The following PTPRT variants were observed in gnomAD, a reference collection of about 807,000 sequenced individuals.
PTPRT encodes protein tyrosine phosphatase receptor type T.
PTPRT carries 56 observed loss-of-function variants against 176.8 expected under a neutral mutation model. That is an observed-to-expected ratio of 0.32 (90% CI 0.26 to 0.40). PTPRT has a LOEUF of 0.40. Among genes scored for constraint, PTPRT ranks in the 10% least tolerant of loss-of-function variants. The pLI, the probability that PTPRT is intolerant of heterozygous loss-of-function variation, is 1.00. For missense variants in PTPRT, 1,540 were observed against 1,908.2 expected (o/e 0.81, Z 3.60); for synonymous variants, 783 against 739.0 (o/e 1.06, Z -0.96).
At chr20:42,697,004 A>C (rs1307732426) in intron 6 of PTPRT, among the ~76,000 whole-genome samples, 1 of 152,228 alleles carries the variant, frequency 6.6e-6, no homozygotes, top group African/African-American at 2.4e-5. Context: ...CTAAGACATC[A>C]AACATACTCC....
chr20:43,049,229 G>C (rs1420581981), intron 1 of PTPRT, among the ~76,000 whole-genome samples: 2 of 152,092 alleles, frequency 1.3e-5, no homozygotes, highest in Non-Finnish European at 2.9e-5. Flanking sequence ...CATTCTGTCA[G>C]TGCTTTTAAT....
intron 7 of PTPRT, among the ~76,000 whole-genome samples, chr20:42,524,820 G>T (rs1162234511): frequency 6.6e-6 from 1 of 150,650 alleles, no homozygotes; most frequent in African/African-American, 2.4e-5. Context: ...CTCTCTTCTT[G>T]GCTACAATGA....
chr20:42,860,499 A>G (rs1379010479), intron 2 of PTPRT, among the ~76,000 whole-genome samples: 1 of 152,246 alleles, frequency 6.6e-6, no homozygotes, highest in Admixed American at 6.5e-5. Context: ...GCTTTAAAAT[A>G]CCAAGCCTTC....
At chr20:42,733,344 G>A (rs2076491097) in intron 6 of PTPRT, among the ~76,000 whole-genome samples, 1 of 152,190 alleles carries the variant, frequency 6.6e-6, no homozygotes, top group South Asian at 2.1e-4. Context: ...CAAGCAAACA[G>A]ATCAGAACAC....
chr20:42,807,746 A>G (rs2077633152), intron 2 of PTPRT, among the ~76,000 whole-genome samples: 1 of 152,166 alleles, frequency 6.6e-6, no homozygotes, highest in South Asian at 2.1e-4. Flanking sequence ...CCACTCCCTT[A>G]TATCCATTCA....
chr20:42,692,737 T>C (rs1426564904), intron 6 of PTPRT, among the ~76,000 whole-genome samples: 2 of 152,206 alleles, frequency 1.3e-5, no homozygotes, highest in African/African-American at 4.8e-5. Flanking sequence ...TACATAATTG[T>C]GTGTGTAGAA....
At chr20:42,490,519 T>G (rs2071544162) in intron 7 of PTPRT, among the ~76,000 whole-genome samples, 1 of 152,184 alleles carries the variant, frequency 6.6e-6, no homozygotes, top group Non-Finnish European at 1.5e-5. Flanking sequence ...TTATTGCTGG[T>G]GTACAGACAT....
chr20:42,811,084 T>C (rs922468607), intron 2 of PTPRT, among the ~76,000 whole-genome samples: 6 of 152,196 alleles, frequency 3.9e-5, no homozygotes, highest in Admixed American at 2.0e-4. Context: ...TCTTAACATA[T>C]TTGCTTTCCC....
chr20:42,879,603 A>C (rs914130677), intron 2 of PTPRT, among the ~76,000 whole-genome samples: 5 of 151,970 alleles, frequency 3.3e-5, no homozygotes, highest in Admixed American at 3.3e-4. Flanking sequence ...ACAGACCTCA[A>C]CCCTCCCTTT....
intron 13 of PTPRT, among the ~76,000 whole-genome samples, chr20:42,254,944 G>A (rs1020855432): frequency 2.6e-5 from 4 of 152,236 alleles, no homozygotes; most frequent in African/African-American, 7.2e-5. Context: ...CTCTTGGTGA[G>A]AGAAATTATC....
At chr20:42,502,212 A>T (rs1471994688) in intron 7 of PTPRT, among the ~76,000 whole-genome samples, 1 of 152,064 alleles carries the variant, frequency 6.6e-6, no homozygotes, top group Non-Finnish European at 1.5e-5. Context: ...GAATCATTTC[A>T]TATATAAAAA....
chr20:42,596,564 C>T (rs2073674505), intron 7 of PTPRT, among the ~76,000 whole-genome samples: 1 of 152,194 alleles, frequency 6.6e-6, no homozygotes, highest in African/African-American at 2.4e-5. Context: ...AACAAAAACA[C>T]TTGCAATGTT....
rs375979436 is a variant in PTPRT at position 42,346,942 on chromosome 20, G to A, written c.1865+3686C>T. On this transcript the variant is annotated intron_variant, in intron 11 of 30. Coordinates refer to ENST00000373187, the MANE Select transcript of PTPRT (RefSeq NM_007050.6). The stretch of plus-strand genomic sequence containing the variant: ...CCTCTTGCCCACCCCTCATGCCCTG[G>A]TTGGTGGAGGTTTACTCCGTAGCAC... Among the ~76,000 whole-genome samples the A allele has an allele frequency of 7.2e-5, 11 of 152,260 alleles. No homozygotes were observed. In the East Asian group the frequency reaches 1.9e-3, roughly 27 times the overall value.
intron 17 of PTPRT, among the ~76,000 whole-genome samples, chr20:42,153,175 C>G (rs1390466638): frequency 1.3e-5 from 2 of 152,146 alleles, no homozygotes; most frequent in African/African-American, 4.8e-5. Flanking sequence ...GTGGCAAGAC[C>G]ACGAGCTTTC....
At chr20:42,914,313 C>A (rs771554687) in intron 1 of PTPRT, among the ~76,000 whole-genome samples, 1 of 152,164 alleles carries the variant, frequency 6.6e-6, no homozygotes, top group Admixed American at 6.5e-5. Flanking sequence ...TGGTTCATGT[C>A]AAGGAAGGTG....
intron 1 of PTPRT, among the ~76,000 whole-genome samples, chr20:43,006,976 T>C (rs1250754887): frequency 6.6e-6 from 1 of 152,154 alleles, no homozygotes; most frequent in Non-Finnish European, 1.5e-5. Context: ...CTTGTTCTAA[T>C]TCGAGGGGAC....
intron 9 of PTPRT, among the ~76,000 whole-genome samples, chr20:42,393,137 G>A (rs933875856): frequency 6.6e-6 from 1 of 152,106 alleles, no homozygotes; most frequent in Non-Finnish European, 1.5e-5. Flanking sequence ...CTGGGAATAG[G>A]AAGGGCACCT....
At chr20:42,544,336 C>T (rs1053031713) in intron 7 of PTPRT, among the ~76,000 whole-genome samples, 1 of 152,196 alleles carries the variant, frequency 6.6e-6, no homozygotes, top group Admixed American at 6.5e-5. Context: ...ATGAAGAAAA[C>T]TTATTTCCTT....
At chr20:42,702,058 C>T (rs1445767866) in intron 6 of PTPRT, among the ~76,000 whole-genome samples, 2 of 152,142 alleles carry the variant, frequency 1.3e-5, no homozygotes, top group East Asian at 1.9e-4. Context: ...TCTGTTTACC[C>T]ACTTCCCACT....
Sources: gnomAD v4.1 joint callset for allele counts (sites outside exome capture counted in the v4.1 genomes callset) on GRCh38, gnomAD v4.1.1 for gene constraint, MANE v1.5 for transcripts, NCBI Gene and HGNC (gene_info 2026-07-23, HGNC 2026-07-21) for gene names.